SLC9D1: variants seen among roughly 807,000 people sequenced by gnomAD.
The protein encoded by SLC9D1 is putative LAG1-interacting protein.
At chr13:113,514,981 G>C in the SLC9D1 span, among the ~76,000 whole-genome samples, 1 of 152,208 alleles carries the variant, frequency 6.6e-6, no homozygotes, top group Admixed American at 6.5e-5. Context: ...GCCTCCCAAA[G>C]CGTTGGGATT....
chr13:113,538,561 C>T, the SLC9D1 span, among the ~76,000 whole-genome samples: 1 of 152,362 alleles, frequency 6.6e-6, no homozygotes, highest in Admixed American at 6.5e-5. Flanking sequence ...GCCCTTGGCG[C>T]TGTCATCTGA....
At chr13:113,548,188 G>T in the SLC9D1 span, 5 of 1,185,654 alleles carry the variant, frequency 4.2e-6, no homozygotes, top group Admixed American at 9.2e-5. Context: ...TACTTGACGT[G>T]TTATTCAGGG....
the SLC9D1 span, among the ~76,000 whole-genome samples, chr13:113,502,136 C>T: frequency 7.2e-5 from 11 of 152,312 alleles, no homozygotes; most frequent in African/African-American, 2.2e-4. Context: ...TTTCCAGTAA[C>T]GTGCTGGACC....
the SLC9D1 span, among the ~76,000 whole-genome samples, chr13:113,519,075 C>T: frequency 6.0e-4 from 89 of 148,586 alleles, no homozygotes; most frequent in Non-Finnish European, 1.1e-3. Flanking sequence ...CGGAGTCTCG[C>T]TCTTGTCCCC....
the SLC9D1 span, chr13:113,503,378 TG>T: frequency 1.6e-6 from 1 of 633,742 alleles, no homozygotes; most frequent in East Asian, 2.7e-5. Flanking sequence ...TGTGTGTGTG[TG>T]TGTGTATGTG....
chr13:113,549,579 G>C, the SLC9D1 span: 1 of 1,612,648 alleles, frequency 6.2e-7, no homozygotes, highest in Admixed American at 1.7e-5. Context: ...AGCGTCTGTG[G>C]GGAGTGAGCG....
At chr13:113,525,612 T>A in the SLC9D1 span, among the ~76,000 whole-genome samples, 3 of 89,404 alleles carry the variant, frequency 3.4e-5, no homozygotes, top group Non-Finnish European at 7.0e-5. Context: ...ATCGTCATCA[T>A]AGCAGACGAC....
At chr13:113,514,159 C>A in the SLC9D1 span, 3 of 152,190 alleles carry the variant, frequency 2.0e-5, no homozygotes, top group African/African-American at 7.2e-5. Context: ...ATACATATGA[C>A]ACATTTGACT....
chr13:113,538,898 C>T, the SLC9D1 span, among the ~76,000 whole-genome samples: 1 of 152,176 alleles, frequency 6.6e-6, no homozygotes, highest in Non-Finnish European at 1.5e-5. Context: ...GATCAGCCGC[C>T]GTGGACACGC....
chr13:113,501,503 A>G, the SLC9D1 span, among the ~76,000 whole-genome samples: 3 of 152,174 alleles, frequency 2.0e-5, no homozygotes, highest in Non-Finnish European at 4.4e-5. Context: ...CACTGCCCCA[A>G]AGATACCGAG....
At chr13:113,547,299 G>A in the SLC9D1 span, 1 of 1,613,930 alleles carries the variant, frequency 6.2e-7, no homozygotes, top group Admixed American at 1.7e-5. Flanking sequence ...GTTCCCAACA[G>A]GGCTCCACGT....
chr13:113,496,865 A>G, the SLC9D1 span, among the ~76,000 whole-genome samples: 2 of 152,362 alleles, frequency 1.3e-5, no homozygotes, highest in East Asian at 1.9e-4. Flanking sequence ...CCCTGTGTAC[A>G]GTGGAGACGT....
the SLC9D1 span, among the ~76,000 whole-genome samples, chr13:113,537,166 C>T: frequency 2.0e-5 from 3 of 152,196 alleles, no homozygotes; most frequent in Non-Finnish European, 4.4e-5. Flanking sequence ...TATATGCCGG[C>T]AGATTTTTTT....
the SLC9D1 span, chr13:113,514,197 C>A: frequency 6.6e-6 from 1 of 152,028 alleles, no homozygotes; most frequent in African/African-American, 2.4e-5. Context: ...ATACTAACCT[C>A]ACTATGGGGA....
chr13:113,537,868 C>T, the SLC9D1 span, among the ~76,000 whole-genome samples: 5 of 151,722 alleles, frequency 3.3e-5, no homozygotes, highest in East Asian at 9.7e-4. Context: ...ATAGCATCAC[C>T]CTGTCAAAAA....
chr13:113,517,829 C>G, the SLC9D1 span, among the ~76,000 whole-genome samples: 1 of 150,676 alleles, frequency 6.6e-6, no homozygotes, highest in Admixed American at 6.6e-5. Flanking sequence ...AAGAGGGGCC[C>G]CACAGCACGG....
the SLC9D1 span, chr13:113,510,335 A>G: frequency 6.2e-7 from 1 of 1,614,238 alleles, no homozygotes; most frequent in Non-Finnish European, 8.5e-7. Context: ...AAACCCACGC[A>G]GAGCGTCTTC....
At chr13:113,512,030 G>GA in the SLC9D1 span, 1 of 146,108 alleles carries the variant, frequency 6.8e-6, no homozygotes, top group Non-Finnish European at 1.5e-5. Flanking sequence ...CGGGACTGGA[G>GA]AGGGAGAGGG....
At chr13:113,493,429 T>G in the SLC9D1 span, among the ~76,000 whole-genome samples, 1 of 152,224 alleles carries the variant, frequency 6.6e-6, no homozygotes, top group African/African-American at 2.4e-5. Context: ...GTTGATTTAT[T>G]TAGCTCCGTT....
Sources: gnomAD v4.1 joint callset for allele counts (sites outside exome capture counted in the v4.1 genomes callset) on GRCh38, gnomAD v4.1.1 for gene constraint, MANE v1.5 for transcripts, NCBI Gene and HGNC (gene_info 2026-07-23, HGNC 2026-07-21) for gene names.